The following ENAM variants were observed in gnomAD, a reference collection of about 807,000 sequenced individuals.
ENAM encodes amelogenesis imperfecta 2, hypocalcification (autosomal dominant).
Under a neutral mutation model 33.6 loss-of-function variants are expected in ENAM, and 21 were observed. The observed-to-expected ratio is 0.63, with a 90% CI of 0.44 to 0.90. ENAM has a LOEUF of 0.90. Among genes scored for constraint, ENAM ranks in the 40% least tolerant of loss-of-function variants. ENAM has a pLI of 0.00. For synonymous variants in ENAM, 473 were observed against 468.4 expected (o/e 1.01, Z -0.13); for missense variants, 1,388 against 1,366.9 (o/e 1.02, Z -0.24).
At position 70,634,419 on chromosome 4, in the gene ENAM, T is replaced by C; in HGVS notation, c.322T>C (p.Ser108Pro). 6.2e-7 allele frequency: 1 copy of C among 1,614,070 alleles called. No homozygotes were observed. The highest frequency in any genetic ancestry group is 8.5e-7 in the Non-Finnish European group (1 of 1,180,008). ...PPNTWHPRKSSAPKRHNKTDQ... is the reference protein window; with the variant it reads ...PPNTWHPRKSPAPKRHNKTDQ... Reference sequence around the variant, plus strand: ...CAACACATGGCATCCACGGAAATCCTCAGCACCCAAACGTCATAACAAGAC... The same window carrying C: ...CAACACATGGCATCCACGGAAATCCCCAGCACCCAAACGTCATAACAAGAC... Residue 108 changes from serine to proline, a missense_variant, in exon 6 of 9, where the codon TCA becomes CCA. Transcript: ENST00000396073.
Position 70,646,298 on chromosome 4 carries a change from G to A in ENAM, c.*1443G>A, listed in dbSNP as rs904432092. On this transcript the variant is annotated 3_prime_UTR_variant, in exon 9 of 9. Coordinates refer to ENST00000396073, the MANE Select transcript of ENAM (RefSeq NM_031889.3). The stretch of plus-strand genomic sequence containing the variant: ...TCTGGATGTCCCTTGCCTAGAGCAG[G>A]AAAAAAGTCTCAGAATTACCTAAAA... 6.6e-6 allele frequency: 1 copy of A among 151,958 alleles called. No homozygotes were observed. The highest frequency in any genetic ancestry group is 1.5e-5 in the Non-Finnish European group (1 of 67,984). 9.4% of individuals were successfully genotyped at this position (151,958 alleles called of 1,614,324 possible).
chr4:70,631,699 G>A lies in ENAM; in HGVS notation c.84G>A (p.Leu28=). Residue 28 remains leucine, a synonymous_variant, in exon 3 of 9, where the codon CTG becomes CTA. Transcript: ENST00000396073. ...LVPKGKMKIL[L]VFLGLLGNSV... ...CAAAAGGCAAAATGAAGATTCTCCTGGTCTTTCTAGGGCTTCTTGGTAATT... is the reference window on the plus strand; with the variant it reads ...CAAAAGGCAAAATGAAGATTCTCCTAGTCTTTCTAGGGCTTCTTGGTAATT... 1 of 1,613,442 alleles carries A rather than the reference G, an allele frequency of 6.2e-7. No individual in the cohort carries two copies. The highest frequency in any genetic ancestry group is 8.5e-7 in the Non-Finnish European group (1 of 1,179,446).
intron 5 of ENAM, 39 bp from the exon 6 acceptor site, chr4:70,634,269 G>A: frequency 6.2e-7 from 1 of 1,605,468 alleles, no homozygotes; most frequent in Non-Finnish European, 8.5e-7. Context: ...CTGAATCACA[G>A]CTCTATTATG....
At position 70,642,525 on chromosome 4, in the gene ENAM, G is replaced by A. The variant is rs759107411; in HGVS notation, c.1099G>A (p.Glu367Lys). ...RGPRWNFFAW[E>K]RKQVARPGNP... Reference sequence around the variant, plus strand: ...TCCTCGGTGGAACTTCTTTGCTTGGGAACGTAAACAAGTAGCTCGTCCAGG... The same window carrying A: ...TCCTCGGTGGAACTTCTTTGCTTGGAAACGTAAACAAGTAGCTCGTCCAGG... Residue 367 changes from glutamate (E) to lysine (K), a missense_variant, in exon 9 of 9, where the codon GAA (glutamate) becomes AAA (lysine). Coordinates refer to ENST00000396073, the MANE Select transcript of ENAM (RefSeq NM_031889.3). The A allele has an allele frequency of 1.2e-6, 2 of 1,614,036 alleles. No homozygotes were observed.
At chr4:70,632,551 TA>T in intron 4 of ENAM, 99 bp from the exon 5 acceptor site, 1 of 899,538 alleles carries the variant, frequency 1.1e-6, no homozygotes, top group Non-Finnish European at 1.9e-6. Context: ...TGGGAAGTTC[TA>T]AGGTTAAAAA....
At position 70,644,813 on chromosome 4, in the gene ENAM, T is replaced by C. The variant is rs1391663108; in HGVS notation, c.3387T>C (p.Asn1129=). Residue 1129 remains asparagine (N), a synonymous_variant, in exon 9 of 9, where the codon AAT becomes AAC. Coordinates refer to ENST00000396073, the MANE Select transcript of ENAM (RefSeq NM_031889.3). ...SPFEFLQRGT[N]VQDQVQDCLL... ...TTGAATTCCTTCAAAGAGGGACCAA[T>C]GTACAGGACCAGGTACAAGACTGCT... is the stretch of plus-strand genomic sequence containing the variant. 1.2e-6 allele frequency: 2 copies of C among 1,614,006 alleles called. No homozygotes were observed. The highest frequency in any genetic ancestry group is 1.3e-5 in the African/African-American group (1 of 74,922).
At chr4:70,633,038 G>T (rs1377290161) in intron 5 of ENAM, among the ~76,000 whole-genome samples, 1 of 151,988 alleles carries the variant, frequency 6.6e-6, no homozygotes, top group Non-Finnish European at 1.5e-5. Flanking sequence ...AAGTATTGGT[G>T]GGGGGTAAGT....
chr4:70,639,485 G>A (rs2109823755), intron 8 of ENAM, among the ~76,000 whole-genome samples: 1 of 152,288 alleles, frequency 6.6e-6, no homozygotes, highest in South Asian at 2.1e-4. Flanking sequence ...AGCTACTGTG[G>A]AGCCTGAGGC....
At position 70,642,534 on chromosome 4, in the gene ENAM, C is replaced by T. The variant is rs1342670354; in HGVS notation, c.1108C>T (p.Gln370Ter). The change falls in exon 9 of 9, where the codon CAA becomes TAA. Residue 370 changes from glutamine (Q) to a stop codon, truncating the protein, a stop_gained. Coordinates refer to ENST00000396073, the MANE Select transcript of ENAM (RefSeq NM_031889.3). LOFTEE classifies it low-confidence loss of function (END_TRUNC). ...RWNFFAWERK[Q>*]VARPGNPVYH... ...GAACTTCTTTGCTTGGGAACGTAAA[C>T]AAGTAGCTCGTCCAGGAAATCCAGT... The T allele has an allele frequency of 6.2e-7, 1 of 1,614,076 alleles. No homozygotes were observed. Among genetic ancestry groups the T allele is most frequent in the Non-Finnish European group, 8.5e-7 (1 of 1,179,998 alleles).
At position 70,644,981 on chromosome 4, in the gene ENAM, C is replaced by T; in HGVS notation, c.*126C>T. 1.2e-6 allele frequency: 1 copy of T among 803,488 alleles called. No homozygotes were observed. The highest frequency in any genetic ancestry group is 2.1e-6 in the Non-Finnish European group (1 of 474,612). 49.8% of individuals were successfully genotyped at this position (803,488 alleles called of 1,614,324 possible). A position where few individuals can be genotyped will look rare whatever the true frequency, so the allele number is the denominator to read the frequency against. On this transcript the variant is annotated 3_prime_UTR_variant, in exon 9 of 9. Coordinates refer to ENST00000396073, the MANE Select transcript of ENAM (RefSeq NM_031889.3). ...TGTCTTGGTGATCCTTAAGTTTTCT[C>T]CCCTCTCAGCAATAGGAGTAGCGAC...
chr4:70,643,102 A>G lies in ENAM; in HGVS notation c.1676A>G (p.His559Arg). The G allele has an allele frequency of 1.2e-6, 2 of 1,613,876 alleles. No individual in the cohort carries two copies. Among genetic ancestry groups the G allele is most frequent in the Non-Finnish European group, 1.7e-6 (2 of 1,179,982 alleles). ...GAAATCCCTTCTCCTGCAAAAGAACATTTTCCTGCTGGAAGAAATACTTGG... is the reference window on the plus strand; with the variant it reads ...GAAATCCCTTCTCCTGCAAAAGAACGTTTTCCTGCTGGAAGAAATACTTGG... ...PEEIPSPAKE[H>R]FPAGRNTWDH... The change falls in exon 9 of 9, where the codon CAT (histidine) becomes CGT (arginine). Residue 559 changes from histidine to arginine, a missense_variant. Transcript: ENST00000396073.
rs576787818 is a variant in ENAM at position 70,645,895 on chromosome 4, G to C, written c.*1040G>C. 6.6e-6 allele frequency: 1 copy of C among 152,196 alleles called. No individual in the cohort carries two copies. The highest frequency in any genetic ancestry group is 6.5e-5 in the Admixed American group (1 of 15,282). 9.4% of individuals were successfully genotyped at this position (152,196 alleles called of 1,614,324 possible). ...CCAGAACTAGCAGCCTAGGGAAAAG[G>C]CTTAGGAAGATGGAGAATGAGGAAC... On this transcript the variant is annotated 3_prime_UTR_variant, in exon 9 of 9. Transcript: ENST00000396073.
chr4:70,643,292 G>A lies in ENAM; in HGVS notation c.1866G>A (p.Glu622=), dbSNP rs1255786201. 3.1e-6 allele frequency: 5 copies of A among 1,613,934 alleles called. No homozygotes were observed. The highest frequency in any genetic ancestry group is 2.2e-5 in the East Asian group (1 of 44,886). Residue 622 remains glutamate (E), a synonymous_variant, in exon 9 of 9, where the codon GAG becomes GAA. Transcript: ENST00000396073. ...SPYLRGNTWD[E]RDDSPNTMGQ... is the part of the protein sequence containing the mutation. ...ACCTTAGAGGCAATACATGGGATGAGAGAGATGATTCTCCCAATACTATGG... is the reference window on the plus strand; with the variant it reads ...ACCTTAGAGGCAATACATGGGATGAAAGAGATGATTCTCCCAATACTATGG...
Position 70,644,762 on chromosome 4 carries a change from A to G in ENAM, c.3336A>G (p.Pro1112=). 1.2e-6 allele frequency: 2 copies of G among 1,614,106 alleles called. No homozygotes were observed. The highest frequency in any genetic ancestry group is 1.7e-6 in the Non-Finnish European group (2 of 1,179,950). ...EEQFKSINVD[P]LDADEHSPFE... ...AATTTAAGAGTATAAATGTAGACCC[A>G]CTTGATGCAGATGAACACAGTCCAT... is the stretch of plus-strand genomic sequence containing the variant. Residue 1112 remains proline, a synonymous_variant, in exon 9 of 9, where the codon CCA becomes CCG. Coordinates refer to ENST00000396073, the MANE Select transcript of ENAM (RefSeq NM_031889.3).
chr4:70,632,697 G>C lies in ENAM; in HGVS notation c.210+5G>C. The C allele has an allele frequency of 6.3e-7, 1 of 1,588,530 alleles. No individual in the cohort carries two copies. The highest frequency in any genetic ancestry group is 8.6e-7 in the Non-Finnish European group (1 of 1,157,088). On this transcript the variant is annotated splice_donor_5th_base_variant and intron_variant, in intron 5 of 8. Transcript: ENST00000396073. ...AACTTTATGAACGGCCCACATGTAA[G>C]TTTTTCTTTATGTTATTTCTGATGA...
rs573539050 is a variant in ENAM at position 70,645,201 on chromosome 4, C to T, written c.*346C>T. ...TTCCATACTTGCAAAATTGGTTTTT[C>T]AAGACTGAAAGGCAGATTAACTTTC... On this transcript the variant is annotated 3_prime_UTR_variant, in exon 9 of 9. Transcript: ENST00000396073. 4.2e-6 allele frequency: 2 copies of T among 475,700 alleles called. No homozygotes were observed. Among genetic ancestry groups the T allele is most frequent in the Admixed American group, 6.8e-5 (2 of 29,480 alleles). 29.5% of individuals were successfully genotyped at this position (475,700 alleles called of 1,614,324 possible).
Position 70,644,692 on chromosome 4 carries a change from C to T in ENAM, c.3266C>T (p.Pro1089Leu), listed in dbSNP as rs1208169804. 10 of 1,614,164 alleles carry T rather than the reference C, an allele frequency of 6.2e-6. No individual in the cohort carries two copies. Among genetic ancestry groups the T allele is most frequent in the Non-Finnish European group, 8.5e-6 (10 of 1,180,016 alleles). The change falls in exon 9 of 9, where the codon CCT becomes CTT. Residue 1089 changes from proline (P) to leucine (L), a missense_variant. Physicochemically the swap from Pro to Leu is moderately conservative, Grantham distance 98. Transcript: ENST00000396073. ...CCATTTGATGGGGATTCAATTACGC[C>T]TACTGAAAATCCTAACACATTGGTT... is the stretch of plus-strand genomic sequence containing the variant. Reference protein sequence around the residue: ...QSPFDGDSITPTENPNTLVEL... With the variant: ...QSPFDGDSITLTENPNTLVEL...
In ENAM at chr4:70,642,007, T is replaced by G. The variant is rs779325630; in HGVS notation, c.589-8T>G. 6.2e-7 allele frequency: 1 copy of G among 1,607,562 alleles called. No homozygotes were observed. Among genetic ancestry groups the G allele is most frequent in the Admixed American group, 1.7e-5 (1 of 60,022 alleles). On this transcript the variant is annotated splice_region_variant and splice_polypyrimidine_tract_variant and intron_variant, in intron 8 of 8. Coordinates refer to ENST00000396073, the MANE Select transcript of ENAM (RefSeq NM_031889.3). The stretch of plus-strand genomic sequence containing the variant: ...GGCAATTATTGATTTCCATTTTCTT[T>G]CCTACAGAATCCTTACTTTGGATAT...
At chr4:70,638,096 G>A (rs892920811) in intron 8 of ENAM, among the ~76,000 whole-genome samples, 4 of 152,106 alleles carry the variant, frequency 2.6e-5, no homozygotes, top group Admixed American at 2.6e-4. Flanking sequence ...GAAATTAAGT[G>A]ATCTCTAACT....
Sources: gnomAD v4.1 joint callset for allele counts (sites outside exome capture counted in the v4.1 genomes callset) on GRCh38, gnomAD v4.1.1 for gene constraint, MANE v1.5 for transcripts, NCBI Gene and HGNC (gene_info 2026-07-23, HGNC 2026-07-21) for gene names.